DHX30: variants seen among roughly 807,000 people sequenced by gnomAD.
DHX30 encodes ATP-dependent RNA helicase DHX30.
A neutral mutation model predicts 116.9 loss-of-function variants in DHX30; 4 were observed. The ratio of observed to expected loss-of-function variants is 0.03; its 90% CI spans 0.02 to 0.08. The LOEUF (loss-of-function observed/expected upper bound fraction) is 0.08, where lower values mean the gene tolerates loss of function less well. Among genes scored for constraint, DHX30 ranks in the 10% least tolerant of loss-of-function variants. The pLI is 1.00. For synonymous variants in DHX30, 697 were observed against 651.7 expected (o/e 1.07, Z -1.06); for missense variants, 871 against 1,595.1 (o/e 0.55, Z 7.73).
Position 47,845,834 on chromosome 3 carries a change from A to C in DHX30, c.1074A>C (p.Ile358=). 6.2e-7 allele frequency: 1 copy of C among 1,607,576 alleles called. No homozygotes were observed. The highest frequency in any genetic ancestry group is 8.5e-7 in the Non-Finnish European group (1 of 1,174,716). ...TGCCCGAGCCCATCCTCCGCAAGATAGAGACCTTCCTGAACCATGTAAGAG... is the reference window on the plus strand; with the variant it reads ...TGCCCGAGCCCATCCTCCGCAAGATCGAGACCTTCCTGAACCATGTAAGAG... ...IQVPEPILRK[I]ETFLNHYPVE... The change falls in exon 10 of 22, where the codon ATA becomes ATC. Residue 358 remains isoleucine (I), a synonymous_variant. Coordinates refer to ENST00000445061, the MANE Select transcript of DHX30 (RefSeq NM_138615.3).
chr3:47,847,896 C>T lies in DHX30; in HGVS notation c.2226C>T (p.Asp742=), dbSNP rs2037688480. The T allele has an allele frequency of 6.2e-7, 1 of 1,614,208 alleles. No homozygotes were observed. The highest frequency in any genetic ancestry group is 2.2e-5 in the East Asian group (1 of 44,882). The part of the protein sequence containing the change: ...NIAETSITIN[D]IVHVVDSGLH... ...CTGAGACTTCCATCACAATCAATGA[C>T]ATCGTGCATGTGGTGGACAGTGGGC... Residue 742 remains aspartate (D), a synonymous_variant, in exon 14 of 22, where the codon GAC becomes GAT. Coordinates refer to ENST00000445061, the MANE Select transcript of DHX30 (RefSeq NM_138615.3). This position sits in a 1 kb window ranked among gnomAD's most constrained non-coding sequence, Gnocchi z 5.5.
chr3:47,812,774 C>T (rs1259944820), intron 3 of DHX30, among the ~76,000 whole-genome samples: 1 of 150,694 alleles, frequency 6.6e-6, no homozygotes, highest in Non-Finnish European at 1.5e-5. Flanking sequence ...AGCAATTCTC[C>T]TGCCTCAGCC....
chr3:47,831,311 CA>C (rs1389095250), intron 6 of DHX30, among the ~76,000 whole-genome samples: 2 of 151,950 alleles, frequency 1.3e-5, no homozygotes, highest in African/African-American at 4.8e-5. Context: ...ACTAACAGGG[CA>C]AGAACTCAGT....
chr3:47,830,456 A>T (rs144835019), intron 6 of DHX30, among the ~76,000 whole-genome samples: 170 of 152,068 alleles, frequency 1.1e-3, no homozygotes, highest in African/African-American at 3.9e-3. Context: ...ACAAAAAAAA[A>T]ATAATAATAA....
rs114672984 is a variant in DHX30 at position 47,844,287 on chromosome 3, A to G, written c.939+1032A>G. Among the ~76,000 whole-genome samples the G allele has an allele frequency of 2.5e-3, 379 of 152,324 alleles. 1 individual carries two copies. The highest frequency in any genetic ancestry group is 8.7e-3 in the African/African-American group (360 of 41,572). ...GAAGAGGGGACAGGCAATTGGTGAG[A>G]TAAAGAGGGCACAGATATGCTACCT... On this transcript the variant is annotated intron_variant, in intron 9 of 21. Transcript: ENST00000445061.
chr3:47,816,731 C>T (rs952995835), intron 3 of DHX30: 5 of 985,398 alleles, frequency 5.1e-6, no homozygotes, highest in African/African-American at 1.7e-5. Flanking sequence ...CTGAAACAGC[C>T]ACTGTGGTGA....
chr3:47,844,049 T>G (rs889719514), intron 9 of DHX30, among the ~76,000 whole-genome samples: 5 of 152,084 alleles, frequency 3.3e-5, no homozygotes, highest in African/African-American at 1.2e-4. Context: ...GATGGCACAG[T>G]AGTGGGAGGG....
intron 4 of DHX30, among the ~76,000 whole-genome samples, chr3:47,821,063 T>G (rs544170713): frequency 6.6e-6 from 1 of 151,538 alleles, no homozygotes; most frequent in Non-Finnish European, 1.5e-5. Context: ...ATGTGATTCT[T>G]GTGCCTCAGC....
intron 9 of DHX30, chr3:47,845,480 C>G: frequency 2.2e-6 from 1 of 457,682 alleles, no homozygotes; most frequent in Non-Finnish European, 3.5e-6. Context: ...AGCCACCGCG[C>G]CCGGCCTGAA....
chr3:47,845,951 C>A (rs180914153), intron 10 of DHX30, 99 bp downstream of exon 10: 1 of 1,503,016 alleles, frequency 6.7e-7, no homozygotes, highest in East Asian at 2.3e-5. Flanking sequence ...TAGTACCTCC[C>A]CATTCTCTTC....
At chr3:47,832,940 C>CTTTT (rs752858732) in intron 6 of DHX30, among the ~76,000 whole-genome samples, 5 of 118,724 alleles carry the variant, frequency 4.2e-5, no homozygotes, top group African/African-American at 6.4e-5. Context: ...TGCCTGGCCT[C>CTTTT]TTTTTTTTTT....
chr3:47,828,290 T>A (rs2036638926), intron 5 of DHX30, among the ~76,000 whole-genome samples: 1 of 151,054 alleles, frequency 6.6e-6, no homozygotes. Flanking sequence ...TGAGACCCCA[T>A]TTCTACAAAA....
Position 47,847,057 on chromosome 3 carries a change from C to G in DHX30, c.1929+56C>G. 1 of 1,568,808 alleles carries G rather than the reference C, an allele frequency of 6.4e-7. No individual in the cohort carries two copies. Among genetic ancestry groups the G allele is most frequent in the Non-Finnish European group, 8.7e-7 (1 of 1,155,086 alleles). Reference sequence around the variant, plus strand: ...CCTGGCCTTTCCTCCGTGGATGCCCCTCCTCCCTGGCCCTGGGGCTTGGTG... The same window carrying G: ...CCTGGCCTTTCCTCCGTGGATGCCCGTCCTCCCTGGCCCTGGGGCTTGGTG... On this transcript the variant is annotated intron_variant, in intron 11 of 21. Coordinates refer to ENST00000445061, the MANE Select transcript of DHX30 (RefSeq NM_138615.3). This position sits in a 1 kb window ranked among gnomAD's most constrained non-coding sequence, Gnocchi z 5.5.
chr3:47,819,408 T>G lies in DHX30; in HGVS notation c.124+1291T>G, dbSNP rs900843556. ...TCGCAGGATGGGCAGTTGCTGCCTC[T>G]GGGGCAGCCCCACAAGTGCTGTGCT... is the stretch of plus-strand genomic sequence containing the variant. On this transcript the variant is annotated intron_variant, in intron 4 of 21. Coordinates refer to ENST00000445061, the MANE Select transcript of DHX30 (RefSeq NM_138615.3). 17 of 746,650 alleles carry G rather than the reference T, an allele frequency of 2.3e-5. No homozygotes were observed. In the African/African-American group the frequency reaches 3.1e-4, roughly 13 times the overall value. The allele number at this position is 746,650 out of a possible 1,614,324, so 46.3% of individuals were successfully genotyped here. A position where few individuals can be genotyped will look rare whatever the true frequency, so the allele number is the denominator to read the frequency against.
rs779127251 is a variant in DHX30, at chr3:47,846,577, G to A, written c.1505G>A (p.Arg502Gln). 6 of 1,614,006 alleles carry A rather than the reference G, an allele frequency of 3.7e-6. No homozygotes were observed. Among genetic ancestry groups the A allele is most frequent in the African/African-American group, 2.7e-5 (2 of 74,950 alleles). The change falls in exon 11 of 22, where the codon CGG (arginine) becomes CAG (glutamine). Residue 502 changes from arginine (R) to glutamine (Q), a missense_variant. Arg to Gln is a conservative substitution (Grantham distance 43). This residue lies in a region of DHX30 where 63 missense variants were observed against 180.6 expected (regional missense o/e 0.35). Coordinates refer to ENST00000445061, the MANE Select transcript of DHX30 (RefSeq NM_138615.3). ...RRISAVSVAQ[R>Q]VSHELGPSLR... ...ATCTCTGCTGTGTCTGTGGCACAGC[G>A]GGTCAGCCACGAACTGGGCCCCTCC...
intron 3 of DHX30, among the ~76,000 whole-genome samples, chr3:47,813,909 T>C (rs2035916472): frequency 6.6e-6 from 1 of 150,914 alleles, no homozygotes; most frequent in Non-Finnish European, 1.5e-5. Context: ...TTTTTTTTTT[T>C]TTTGGCCAGC....
intron 2 of DHX30, among the ~76,000 whole-genome samples, chr3:47,808,386 C>G (rs1000206952): frequency 5.3e-5 from 8 of 151,058 alleles, no homozygotes; most frequent in African/African-American, 1.9e-4. Context: ...CTGGCTAATT[C>G]TGAAAATTTT....
intron 5 of DHX30, among the ~76,000 whole-genome samples, chr3:47,828,687 C>T (rs2036662102): frequency 6.6e-6 from 1 of 151,704 alleles, no homozygotes; most frequent in African/African-American, 2.4e-5. Flanking sequence ...AGGAGAATGG[C>T]GTGAGGCAAC....
intron 2 of DHX30, among the ~76,000 whole-genome samples, chr3:47,807,092 G>A (rs2035563564): frequency 6.6e-6 from 1 of 152,004 alleles, no homozygotes; most frequent in African/African-American, 2.4e-5. Context: ...TGTAATCCCA[G>A]CTACTAGGGA....
Sources: gnomAD v4.1 joint callset for allele counts (sites outside exome capture counted in the v4.1 genomes callset) on GRCh38, gnomAD v4.1.1 for gene constraint, gnomAD v4.1.1 regional missense constraint, Gnocchi (gnomAD v3.1) non-coding constraint, MANE v1.5 for transcripts, NCBI Gene and HGNC (gene_info 2026-07-23, HGNC 2026-07-21) for gene names.